Variants in ABHD12 observed in about 807,000 individuals in gnomAD.
ABHD12 encodes lysophosphatidylserine lipase ABHD12.
In ABHD12, 43 loss-of-function variants were observed where a neutral mutation model predicts 58.3. That is an observed-to-expected ratio of 0.74 (90% CI 0.58 to 0.95). ABHD12 has a LOEUF of 0.95. Among genes scored for constraint, ABHD12 ranks in the 40% least tolerant of loss-of-function variants. The pLI is 0.00. For missense variants in ABHD12, 539 were observed against 537.2 expected, an observed-to-expected ratio of 1.00 and a Z score of -0.03; for synonymous variants, 219 against 211.2, an observed-to-expected ratio of 1.04 and a Z score of -0.32.
At chr20:25,298,987 CTG>C (rs773966872), downstream of ABHD12, among the ~76,000 whole-genome samples, 8 of 152,232 alleles carry the variant, frequency 5.3e-5, no homozygotes, top group Non-Finnish European at 1.0e-4. Flanking sequence ...GCTTGGACAA[CTG>C]AGCTCAGCAC....
At chr20:25,321,571 G>A (rs773767878) in intron 3 of ABHD12, among the ~76,000 whole-genome samples, 1 of 152,236 alleles carries the variant, frequency 6.6e-6, no homozygotes, top group East Asian at 1.9e-4. Context: ...AACACACAGC[G>A]TGGCTGTCAC....
chr20:25,366,570 T>C (rs2089825346), intron 1 of ABHD12, among the ~76,000 whole-genome samples: 1 of 152,180 alleles, frequency 6.6e-6, no homozygotes, highest in African/African-American at 2.4e-5. Context: ...CCATTTTTCT[T>C]TTCAGCCATC....
At chr20:25,356,527 G>A (rs1346392631) in intron 1 of ABHD12, among the ~76,000 whole-genome samples, 1 of 152,214 alleles carries the variant, frequency 6.6e-6, no homozygotes, top group Non-Finnish European at 1.5e-5. Flanking sequence ...GTGTGGCAGA[G>A]GTGCCAGCGT....
intron 1 of ABHD12, among the ~76,000 whole-genome samples, chr20:25,370,746 G>A (rs1421272285): frequency 2.0e-5 from 3 of 152,088 alleles, no homozygotes; most frequent in Non-Finnish European, 2.9e-5. Context: ...GCAGCTGTGA[G>A]CATTCCATGA....
chr20:25,332,029 A>T (rs574825019), intron 2 of ABHD12, among the ~76,000 whole-genome samples: 2 of 152,332 alleles, frequency 1.3e-5, no homozygotes, highest in African/African-American at 4.8e-5. Context: ...TAAAGAGTCA[A>T]GACCCATCAG....
chr20:25,366,056 T>C (rs2089816491), intron 1 of ABHD12, among the ~76,000 whole-genome samples: 1 of 152,172 alleles, frequency 6.6e-6, no homozygotes, highest in African/African-American at 2.4e-5. Context: ...TAAATATTGT[T>C]AATTCTTTCA....
intron 6 of ABHD12, 143 bp downstream of exon 6, chr20:25,314,782 T>G: frequency 1.1e-6 from 1 of 938,598 alleles, no homozygotes; most frequent in Non-Finnish European, 1.7e-6. Flanking sequence ...ATCAGGGTCT[T>G]TGTCAGGACC....
intron 1 of ABHD12, among the ~76,000 whole-genome samples, chr20:25,366,411 CATGTGCCA>C (rs879650151): frequency 3.3e-5 from 5 of 152,066 alleles, no homozygotes; most frequent in Non-Finnish European, 5.9e-5. Flanking sequence ...GGATTACAGG[CATGTGCCA>C]ACATGCCTGG....
At chr20:25,326,167 A>G (rs556458205) in intron 2 of ABHD12, among the ~76,000 whole-genome samples, 13 of 140,800 alleles carry the variant, frequency 9.2e-5, no homozygotes, top group African/African-American at 2.9e-4. Context: ...GGAAGGAAGG[A>G]AGGGAGAGAG....
At chr20:25,309,832 A>G (rs1280668010) in intron 6 of ABHD12, among the ~76,000 whole-genome samples, 3 of 152,138 alleles carry the variant, frequency 2.0e-5, no homozygotes, top group African/African-American at 7.2e-5. Context: ...GACTGCACAA[A>G]CCAGACATCC....
At chr20:25,355,978 T>C (rs1305339427) in intron 1 of ABHD12, among the ~76,000 whole-genome samples, 1 of 152,176 alleles carries the variant, frequency 6.6e-6, no homozygotes, top group Non-Finnish European at 1.5e-5. Flanking sequence ...GGGCCAATAA[T>C]AGGAGGTACT....
At chr20:25,363,100 T>C (rs762727102) in intron 1 of ABHD12, among the ~76,000 whole-genome samples, 8 of 152,088 alleles carry the variant, frequency 5.3e-5, no homozygotes, top group Admixed American at 2.0e-4. Flanking sequence ...ACATTCAGAG[T>C]ATTTTATAGT....
intron 2 of ABHD12, among the ~76,000 whole-genome samples, chr20:25,334,409 C>G (rs1364648235): frequency 1.3e-5 from 2 of 150,632 alleles, no homozygotes; most frequent in African/African-American, 2.4e-5. Flanking sequence ...AATGCCATCC[C>G]CATCAAGCTA....
At chr20:25,361,554 G>C (rs1180877930) in intron 1 of ABHD12, among the ~76,000 whole-genome samples, 7 of 152,134 alleles carry the variant, frequency 4.6e-5, no homozygotes, top group African/African-American at 1.7e-4. Flanking sequence ...TTTTGTTGTT[G>C]CTATTGCTAC....
intron 5 of ABHD12, 78 bp downstream of exon 5, chr20:25,316,970 T>G: frequency 7.8e-7 from 1 of 1,286,306 alleles, no homozygotes; most frequent in Non-Finnish European, 1.1e-6. Flanking sequence ...TCTCAAGCTG[T>G]GAGTCTGGTG....
intron 1 of ABHD12, chr20:25,368,614 C>T (rs966994392): frequency 4.3e-5 from 60 of 1,381,632 alleles, no homozygotes; most frequent in South Asian, 7.0e-5. Flanking sequence ...TCTGTGAAAG[C>T]GGAAACCCTT....
intron 7 of ABHD12, 119 bp downstream of exon 7, chr20:25,309,327 T>C: frequency 6.8e-7 from 1 of 1,460,434 alleles, no homozygotes; most frequent in Non-Finnish European, 9.5e-7. Context: ...GGAGCGAGGC[T>C]GGTCGGGACT....
At chr20:25,308,142 A>T (rs2088779867) in intron 8 of ABHD12, 97 bp from the exon 9 acceptor site, 5 of 885,064 alleles carry the variant, frequency 5.6e-6, no homozygotes, top group Non-Finnish European at 9.5e-6. Context: ...GCACAAGGAG[A>T]CCACAGCGCC....
chr20:25,345,410 C>CA (rs1187437558), intron 1 of ABHD12, among the ~76,000 whole-genome samples: 1 of 152,064 alleles, frequency 6.6e-6, no homozygotes, highest in African/African-American at 2.4e-5. Context: ...GATACAAAAC[C>CA]ACCAAGGTAT....
Sources: gnomAD v4.1 joint callset for allele counts (sites outside exome capture counted in the v4.1 genomes callset) on GRCh38, gnomAD v4.1.1 for gene constraint, MANE v1.5 for transcripts, NCBI Gene and HGNC (gene_info 2026-07-23, HGNC 2026-07-21) for gene names.